Variants in MMD2 observed in about 807,000 individuals in gnomAD.
MMD2 encodes monocyte to macrophage differentiation factor 2.
Under a neutral mutation model 33.5 loss-of-function variants are expected in MMD2, and 30 were observed. That is an observed-to-expected ratio of 0.90 (90% CI 0.67 to 1.22). MMD2 has a LOEUF of 1.22. Ranked by LOEUF, MMD2 falls within the 50% of genes most tolerant of loss-of-function variation. MMD2 has a pLI of 0.00. For missense variants in MMD2, 364 were observed against 325.4 expected, an observed-to-expected ratio of 1.12 and a Z score of -0.91; for synonymous variants, 129 against 123.0, an observed-to-expected ratio of 1.05 and a Z score of -0.32.
In MMD2 at chr7:4,946,576, C is replaced by T. The variant is rs1786093384; in HGVS notation, c.47+12395G>A. Among the ~76,000 whole-genome samples, 3 of 152,208 alleles carry T rather than the reference C, an allele frequency of 2.0e-5. No individual in the cohort carries two copies. On this transcript the variant is annotated intron_variant, in intron 1 of 6. Transcript: ENST00000401401. The surrounding 1 kb of genome is among the most constrained non-coding windows in gnomAD (Gnocchi z 5.0). ...GCTAAGACCACCAGGTGAGAGGCTG[C>T]TGAGTAATAGGATGCTGAAAAGGAC... is the stretch of plus-strand genomic sequence containing the variant.
intron 1 of MMD2, among the ~76,000 whole-genome samples, chr7:4,932,322 C>A (rs954278953): frequency 2.0e-5 from 3 of 152,152 alleles, no homozygotes; most frequent in Non-Finnish European, 2.9e-5. Context: ...GAGCACTTTC[C>A]CTTTAACTCC....
intron 2 of MMD2, among the ~76,000 whole-genome samples, chr7:4,924,730 G>A (rs1785377622): frequency 6.6e-6 from 1 of 152,168 alleles, no homozygotes; most frequent in African/African-American, 2.4e-5. Flanking sequence ...CTGGAGTGGA[G>A]ACAAGAAATA....
At chr7:4,948,701 T>C (rs1196053452) in intron 1 of MMD2, among the ~76,000 whole-genome samples, 1 of 152,194 alleles carries the variant, frequency 6.6e-6, no homozygotes, top group African/African-American at 2.4e-5. Context: ...ATAAGAAGTC[T>C]GCCATCTACC....
At chr7:4,904,256 G>T (rs953628790), downstream of MMD2, among the ~76,000 whole-genome samples, 1 of 152,148 alleles carries the variant, frequency 6.6e-6, no homozygotes, top group African/African-American at 2.4e-5. Context: ...CACACACCCG[G>T]TGCGCAGCCT....
At chr7:4,898,027 C>G in the MMD2 span, among the ~76,000 whole-genome samples, 1 of 152,074 alleles carries the variant, frequency 6.6e-6, no homozygotes, top group African/African-American at 2.4e-5. Flanking sequence ...TGTGAGCCAC[C>G]GCACCCGGCC....
At chr7:4,894,822 C>T in the MMD2 span, among the ~76,000 whole-genome samples, 34,108 of 151,966 alleles carry the variant, frequency 0.22, 4,826 homozygotes, top group East Asian at 0.54. This position sits in a 1 kb window ranked among gnomAD's most constrained non-coding sequence, Gnocchi z 4.3. Flanking sequence ...GTTCTTGTTC[C>T]GTGTCCAGGA....
intron 1 of MMD2, among the ~76,000 whole-genome samples, chr7:4,927,599 T>C (rs1331588730): frequency 6.6e-6 from 1 of 151,880 alleles, no homozygotes; most frequent in Non-Finnish European, 1.5e-5. Context: ...CGCAGCTACT[T>C]GGGAGGCTGA....
At chr7:4,893,037 G>A in the MMD2 span, among the ~76,000 whole-genome samples, 30 of 152,114 alleles carry the variant, frequency 2.0e-4, no homozygotes, top group Non-Finnish European at 3.8e-4. Flanking sequence ...TTCTAAGATA[G>A]CCACCTCAAT....
rs531998354 is a variant in MMD2 at position 4,952,621 on chromosome 7, T to G, written c.47+6350A>C. Among the ~76,000 whole-genome samples the G allele has an allele frequency of 2.0e-5, 3 of 152,036 alleles. No homozygotes were observed. In the East Asian group the frequency reaches 5.8e-4, roughly 29 times the overall value. ...GGCATCCTTTTTTTGTTTTTCAGATTCTCATAGGAGCATGAACCCTATTGT... is the reference window on the plus strand; with the variant it reads ...GGCATCCTTTTTTTGTTTTTCAGATGCTCATAGGAGCATGAACCCTATTGT... On this transcript the variant is annotated intron_variant, in intron 1 of 6. Coordinates refer to ENST00000401401, the MANE Select transcript of MMD2 (RefSeq NM_198403.4).
chr7:4,929,476 C>T (rs76743592), intron 1 of MMD2, among the ~76,000 whole-genome samples: 32,458 of 151,666 alleles, frequency 0.21, 4,880 homozygotes, highest in African/African-American at 0.42. Context: ...AGGAAGCTGC[C>T]TGTGGCCAAG....
intron 1 of MMD2, among the ~76,000 whole-genome samples, chr7:4,948,595 G>C (rs1583400406): frequency 6.6e-6 from 1 of 152,070 alleles, no homozygotes; most frequent in Non-Finnish European, 1.5e-5. Flanking sequence ...AGGAGGCGGG[G>C]CCTCTGGAAA....
At chr7:4,922,384 A>G (rs1197586432) in intron 2 of MMD2, among the ~76,000 whole-genome samples, 2 of 152,142 alleles carry the variant, frequency 1.3e-5, no homozygotes, top group African/African-American at 4.8e-5. Context: ...AGTCTGGTCA[A>G]CAGGGCGAAA....
At chr7:4,900,549 G>A in the MMD2 span, among the ~76,000 whole-genome samples, 2 of 152,026 alleles carry the variant, frequency 1.3e-5, no homozygotes, top group South Asian at 2.1e-4. Flanking sequence ...AATAACTTGC[G>A]AAGGCCTGAA....
intron 1 of MMD2, among the ~76,000 whole-genome samples, chr7:4,934,200 G>C (rs1785672878): frequency 6.6e-6 from 1 of 152,058 alleles, no homozygotes; most frequent in Non-Finnish European, 1.5e-5. Flanking sequence ...AAAGTGCTGG[G>C]ATTACAGGCG....
chr7:4,945,243 T>TTCTTCTTCTTC (rs759788839), intron 1 of MMD2, among the ~76,000 whole-genome samples: 23 of 144,816 alleles, frequency 1.6e-4, no homozygotes, highest in African/African-American at 4.6e-4. Flanking sequence ...CTTCTTCCTC[T>TTCTTCTTCTTC]CTCTCTTTCT....
Position 4,946,013 on chromosome 7 carries a change from TG to T in MMD2, c.47+12957del, listed in dbSNP as rs1327291371. Among the ~76,000 whole-genome samples, 1 of 152,244 alleles carries T rather than the reference TG, an allele frequency of 6.6e-6. No homozygotes were observed. The highest frequency in any genetic ancestry group is 2.4e-5 in the African/African-American group (1 of 41,470). ...TTCATTCCTATGTAACGCAGCTGCC[TG>T]CTCAGAGAAGATTCCTCTGGAGACG... is the stretch of plus-strand genomic sequence containing the variant. On this transcript the variant is annotated intron_variant, in intron 1 of 6. Transcript: ENST00000401401. This position sits in a 1 kb window ranked among gnomAD's most constrained non-coding sequence, Gnocchi z 5.0.
chr7:4,948,702 G>A (rs1786158350), intron 1 of MMD2, among the ~76,000 whole-genome samples: 1 of 152,142 alleles, frequency 6.6e-6, no homozygotes, highest in Non-Finnish European at 1.5e-5. Context: ...TAAGAAGTCT[G>A]CCATCTACCA....
intron 1 of MMD2, among the ~76,000 whole-genome samples, chr7:4,933,750 A>C (rs1489522934): frequency 2.0e-5 from 3 of 151,664 alleles, no homozygotes; most frequent in African/African-American, 7.3e-5. Flanking sequence ...CTCCTGCCTC[A>C]GCCTCCCAAG....
In MMD2 at chr7:4,946,183, ACG is replaced by A. The variant is rs1562494527; in HGVS notation, c.47+12786_47+12787del. Among the ~76,000 whole-genome samples, 1 of 150,870 alleles carries A rather than the reference ACG, an allele frequency of 6.6e-6. No individual in the cohort carries two copies. The highest frequency in any genetic ancestry group is 1.5e-5 in the Non-Finnish European group (1 of 67,674). On this transcript the variant is annotated intron_variant, in intron 1 of 6. Transcript: ENST00000401401. The surrounding 1 kb of genome is among the most constrained non-coding windows in gnomAD (Gnocchi z 5.0). ...CGCACACCTGCACACATGCACACAC[ACG>A]CGCGCACACCCACACACACGCATGC...
Sources: gnomAD v4.1 joint callset for allele counts (sites outside exome capture counted in the v4.1 genomes callset) on GRCh38, gnomAD v4.1.1 for gene constraint, Gnocchi (gnomAD v3.1) non-coding constraint, MANE v1.5 for transcripts, NCBI Gene and HGNC (gene_info 2026-07-23, HGNC 2026-07-21) for gene names.